Variants in DHX15 observed in about 807,000 individuals in gnomAD.
The protein encoded by DHX15 is DEAH-box helicase 15, also known as ATP-dependent RNA helicase DHX15.
Under a neutral mutation model 94.4 loss-of-function variants are expected in DHX15, and 11 were observed. The observed-to-expected ratio is 0.12, with a 90% confidence interval of 0.07 to 0.19. The LOEUF is 0.19. Among genes scored for constraint, DHX15 ranks in the 10% least tolerant of loss-of-function variants. The probability of loss-of-function intolerance (pLI) is 1.00; values close to 1 mark genes in which losing one functional copy is unlikely to be tolerated. For missense variants in DHX15, 304 were observed against 988.5 expected (o/e 0.31, Z 9.29); for synonymous variants, 338 against 329.9 (o/e 1.02, Z -0.27).
intron 6 of DHX15, among the ~76,000 whole-genome samples, chr4:24,545,868 TAA>T (rs954210531): frequency 1.3e-5 from 2 of 152,198 alleles, no homozygotes; most frequent in Non-Finnish European, 2.9e-5. Flanking sequence ...CAAAGAGCCT[TAA>T]AAAGTGTTCA....
intron 1 of DHX15, among the ~76,000 whole-genome samples, chr4:24,577,269 G>A (rs906536104): frequency 6.6e-6 from 1 of 152,106 alleles, no homozygotes; most frequent in Non-Finnish European, 1.5e-5. Context: ...AAAGTGAAAA[G>A]AGCATAGTAC....
intron 1 of DHX15, among the ~76,000 whole-genome samples, chr4:24,578,390 A>G (rs1210316223): frequency 1.3e-5 from 2 of 152,192 alleles, no homozygotes. Context: ...TGCCCAGCAA[A>G]GTAAGAAGCA....
chr4:24,529,052 G>A (rs1002478283), intron 13 of DHX15, among the ~76,000 whole-genome samples: 1 of 151,978 alleles, frequency 6.6e-6, no homozygotes, highest in Admixed American at 6.6e-5. Context: ...GAGAGACAGG[G>A]TCTCACTGTC....
intron 7 of DHX15, 138 bp downstream of exon 7, chr4:24,542,802 G>GGTTC (rs1721343434): frequency 1.6e-6 from 1 of 607,230 alleles, no homozygotes; most frequent in Non-Finnish European, 2.9e-6. Context: ...AAACATAAAG[G>GGTTC]GTTCATACAG....
intron 3 of DHX15, among the ~76,000 whole-genome samples, chr4:24,557,995 G>A (rs1313089984): frequency 3.4e-5 from 5 of 146,226 alleles, no homozygotes; most frequent in African/African-American, 1.3e-4. Context: ...AAAAAAAAAA[G>A]GATTGGTTAC....
At chr4:24,578,670 G>A (rs954029839) in intron 1 of DHX15, among the ~76,000 whole-genome samples, 1 of 152,028 alleles carries the variant, frequency 6.6e-6, no homozygotes, top group Non-Finnish European at 1.5e-5. Context: ...GGTTCAAGTG[G>A]TCCTCTCACC....
Position 24,554,875 on chromosome 4 carries a change from T to C in DHX15, c.930A>G (p.Leu310=). Residue 310 remains leucine, a synonymous_variant, in exon 5 of 14, where the codon CTA becomes CTG. Coordinates refer to ENST00000336812, the MANE Select transcript of DHX15 (RefSeq NM_001358.3). ...CAGGATGTGTACGCCCAGGAATAGT[T>C]AGGAGAGGACAGTTATCAAAGTAAA... ...FQIYFDNCPL[L]TIPGRTHPVE... 1 of 1,613,774 alleles carries C rather than the reference T, an allele frequency of 6.2e-7. No homozygotes were observed. The highest frequency in any genetic ancestry group is 8.5e-7 in the Non-Finnish European group (1 of 1,179,870).
At chr4:24,584,215 C>G (rs1300626778) in intron 1 of DHX15, 108 bp downstream of exon 1, 2 of 1,193,162 alleles carry the variant, frequency 1.7e-6, no homozygotes, top group Admixed American at 2.2e-5. Flanking sequence ...CAGAGAGAAA[C>G]AAAGGCTCGG....
intron 1 of DHX15, among the ~76,000 whole-genome samples, chr4:24,579,737 T>C (rs1020413748): frequency 3.3e-5 from 5 of 152,344 alleles, no homozygotes; most frequent in Admixed American, 2.0e-4. Context: ...GTCTGGCACA[T>C]TGCAAATGCC....
At chr4:24,548,598 G>C (rs1721511810) in intron 6 of DHX15, among the ~76,000 whole-genome samples, 2 of 152,202 alleles carry the variant, frequency 1.3e-5, no homozygotes. Context: ...TAGGAGAAAA[G>C]ACAGTACTTG....
intron 12 of DHX15, among the ~76,000 whole-genome samples, chr4:24,531,551 C>A (rs989199692): frequency 1.5e-4 from 23 of 152,132 alleles, no homozygotes; most frequent in Middle Eastern, 3.4e-3. Context: ...TCTCTCTACA[C>A]ACACAAAAAG....
intron 2 of DHX15, among the ~76,000 whole-genome samples, chr4:24,571,900 T>A (rs1346082360): frequency 6.6e-6 from 1 of 152,208 alleles, no homozygotes; most frequent in African/African-American, 2.4e-5. Flanking sequence ...ACACTTTAAA[T>A]GAACAAAAAT....
chr4:24,568,653 T>C (rs575297110), intron 3 of DHX15, among the ~76,000 whole-genome samples: 1 of 152,306 alleles, frequency 6.6e-6, no homozygotes, highest in African/African-American at 2.4e-5. Flanking sequence ...CTTTCTTGTA[T>C]CCCAATTTCC....
chr4:24,548,270 G>A (rs1721500968), intron 6 of DHX15, among the ~76,000 whole-genome samples: 1 of 151,362 alleles, frequency 6.6e-6, no homozygotes, highest in Non-Finnish European at 1.5e-5. Context: ...TGCCTCCTGA[G>A]TAGCTGGAAT....
chr4:24,563,377 A>C (rs970247236), intron 3 of DHX15: 1 of 152,092 alleles, frequency 6.6e-6, no homozygotes, highest in Admixed American at 6.5e-5. Flanking sequence ...AGCACACTAC[A>C]TCCCGGAACT....
intron 8 of DHX15, 97 bp downstream of exon 8, chr4:24,541,776 A>G: frequency 7.8e-7 from 1 of 1,290,048 alleles, no homozygotes; most frequent in Non-Finnish European, 1.0e-6. Flanking sequence ...TTTTAATCCT[A>G]AAAGGCAAGA....
intron 3 of DHX15, among the ~76,000 whole-genome samples, chr4:24,567,711 C>A (rs1429878164): frequency 6.6e-6 from 1 of 152,156 alleles, no homozygotes; most frequent in Non-Finnish European, 1.5e-5. Flanking sequence ...TGACTAGTCA[C>A]AAATACAGCA....
rs1391673802 is a variant in DHX15, at chr4:24,554,863, C to T, written c.942G>A (p.Gly314=). The part of the protein sequence containing the change: ...FDNCPLLTIP[G]RTHPVEIFYT... ...AGAAGATCTCAACAGGATGTGTACGCCCAGGAATAGTTAGGAGAGGACAGT... is the reference window on the plus strand; with the variant it reads ...AGAAGATCTCAACAGGATGTGTACGTCCAGGAATAGTTAGGAGAGGACAGT... Residue 314 remains glycine (G), a synonymous_variant, in exon 5 of 14, where the codon GGG becomes GGA. Transcript: ENST00000336812. 2 of 1,613,740 alleles carry T rather than the reference C, an allele frequency of 1.2e-6. No homozygotes were observed. The highest frequency in any genetic ancestry group is 1.7e-6 in the Non-Finnish European group (2 of 1,179,840).
chr4:24,567,344 A>T (rs6448281), intron 3 of DHX15, among the ~76,000 whole-genome samples: 4 of 152,058 alleles, frequency 2.6e-5, no homozygotes, highest in African/African-American at 7.3e-5. Context: ...TTTGGGAGGC[A>T]GAGGCGGGCG....
Sources: gnomAD v4.1 joint callset for allele counts (sites outside exome capture counted in the v4.1 genomes callset) on GRCh38, gnomAD v4.1.1 for gene constraint, MANE v1.5 for transcripts, NCBI Gene and HGNC (gene_info 2026-07-23, HGNC 2026-07-21) for gene names.